LRRC4B: variants seen among roughly 807,000 people sequenced by gnomAD.
LRRC4B encodes leucine rich repeat containing 4B, also known as leucine-rich repeat-containing protein 4B.
In LRRC4B, 1 loss-of-function variant was observed where a neutral mutation model predicts 7.3. The observed-to-expected ratio is 0.14, with a 90% CI of 0.05 to 0.65. The LOEUF (loss-of-function observed/expected upper bound fraction) is 0.65. Ranked by LOEUF, LRRC4B falls within the 30% of genes least tolerant of loss-of-function variation. The pLI is 0.84. For missense variants in LRRC4B, 730 were observed against 1,041.6 expected (o/e 0.70, Z 4.12); for synonymous variants, 500 against 499.2 (o/e 1.00, Z -0.02).
intron 2 of LRRC4B, among the ~76,000 whole-genome samples, chr19:50,529,848 G>A (rs908838012): frequency 5.9e-5 from 9 of 152,122 alleles, no homozygotes; most frequent in South Asian, 2.1e-4. Flanking sequence ...GCTGGTCCAT[G>A]TGCTGTCAAG....
At position 50,568,337 on chromosome 19, in the gene LRRC4B, A is replaced by AC. The variant is rs1363437446; in HGVS notation, c.-430dup. Among the ~76,000 whole-genome samples the AC allele has an allele frequency of 3.4e-3, 351 of 102,528 alleles. 1 individual carries two copies. Among genetic ancestry groups the AC allele is most frequent in the Non-Finnish European group, 2.9e-3 (146 of 50,676 alleles). 67.3% of individuals were successfully genotyped at this position (102,528 alleles called of 152,430 possible). On this transcript the variant is annotated 5_prime_UTR_variant, in exon 1 of 3. Coordinates refer to ENST00000652263, the MANE Select transcript of LRRC4B (RefSeq NM_001080457.2). ...GCCGGCGCCGCTCTCCCCCCACCCC[A>AC]CCCCCCCCCAGGCCCCGGCCCCGGC...
intron 2 of LRRC4B, among the ~76,000 whole-genome samples, chr19:50,530,458 C>T (rs1489307337): frequency 6.6e-6 from 1 of 152,250 alleles, no homozygotes; most frequent in African/African-American, 2.4e-5. Flanking sequence ...GACGCCCTTC[C>T]CTTTCATCCA....
rs531517954 is a variant in LRRC4B, at chr19:50,560,973, C to A, written c.-36+6971G>T. Among the ~76,000 whole-genome samples, 677 of 152,196 alleles carry A rather than the reference C, an allele frequency of 4.4e-3. 4 individuals carry two copies. The highest frequency in any genetic ancestry group is 7.7e-3 in the South Asian group (37 of 4,820). On this transcript the variant is annotated intron_variant, in intron 1 of 2. Coordinates refer to ENST00000652263, the MANE Select transcript of LRRC4B (RefSeq NM_001080457.2). ...AGGCGCTGTGGTGCGTGCCTGTAAT[C>A]CCAGCTACTCAAGAGGTTGAGACAG...
In LRRC4B at chr19:50,519,263, G is replaced by A; in HGVS notation, c.450C>T (p.Pro150=). Reference sequence around the variant, plus strand: ...TGGACAGGTACTCGAAGGCCTGCGTGGGCACCGTGGTCAGCCGGTTGTCAA... The same window carrying A: ...TGGACAGGTACTCGAAGGCCTGCGTAGGCACCGTGGTCAGCCGGTTGTCAA... ...ELFDNRLTTV[P]TQAFEYLSKL... is the part of the protein sequence containing the mutation. The change falls in exon 3 of 3, where the codon CCC becomes CCT. Residue 150 remains proline, a synonymous_variant. Coordinates refer to ENST00000652263, the MANE Select transcript of LRRC4B (RefSeq NM_001080457.2). This position sits in a 1 kb window ranked among gnomAD's most constrained non-coding sequence, Gnocchi z 8.1. 1 of 1,614,138 alleles carries A rather than the reference G, an allele frequency of 6.2e-7. No homozygotes were observed. The highest frequency in any genetic ancestry group is 8.5e-7 in the Non-Finnish European group (1 of 1,180,044).
intron 2 of LRRC4B, among the ~76,000 whole-genome samples, chr19:50,528,296 C>T (rs1232023053): frequency 6.6e-6 from 1 of 152,120 alleles, no homozygotes; most frequent in African/African-American, 2.4e-5. Context: ...TTGCCTCAGC[C>T]TCCCAAAGTG....
Position 50,518,425 on chromosome 19 carries a change from C to A in LRRC4B, c.1288G>T (p.Asp430Tyr). Reference protein sequence around the residue: ...TLNFTNVTVQDTGQYTCMVTN... With the variant: ...TLNFTNVTVQYTGQYTCMVTN... ...ACCATGCACGTGTACTGGCCCGTGT[C>A]CTGCACGGTGACGTTGGTGAAGTTA... is the stretch of plus-strand genomic sequence containing the variant. The change falls in exon 3 of 3, where the codon GAC becomes TAC. Residue 430 changes from aspartate (D) to tyrosine (Y), a missense_variant. By Grantham distance (160) the Asp-to-Tyr change is radical. This residue lies in a region of LRRC4B where 192 missense variants were observed against 228.6 expected (regional missense o/e 0.84). Coordinates refer to ENST00000652263, the MANE Select transcript of LRRC4B (RefSeq NM_001080457.2). 1 of 1,559,816 alleles carries A rather than the reference C, an allele frequency of 6.4e-7. No homozygotes were observed. Among genetic ancestry groups the A allele is most frequent in the Admixed American group, 1.9e-5 (1 of 52,336 alleles).
chr19:50,520,235 AAAAAAAAAAAAAG>A (rs1980509104), intron 2 of LRRC4B, among the ~76,000 whole-genome samples: 1 of 70,256 alleles, frequency 1.4e-5, no homozygotes, highest in Non-Finnish European at 2.6e-5. Flanking sequence ...AAAAAAAAAA[AAAAAAAAAAAAAG>A]AAGAAAAGAA....
intron 2 of LRRC4B, among the ~76,000 whole-genome samples, chr19:50,546,827 C>G (rs1981837117): frequency 6.6e-6 from 1 of 152,164 alleles, no homozygotes; most frequent in Non-Finnish European, 1.5e-5. Context: ...GTGGGTGCCT[C>G]CCTGTCCCAC....
chr19:50,567,718 C>G (rs1280021046), intron 1 of LRRC4B, among the ~76,000 whole-genome samples: 1 of 146,014 alleles, frequency 6.8e-6, no homozygotes, highest in Non-Finnish European at 1.5e-5. Context: ...GACAACCACC[C>G]CCCCCACAGC....
intron 2 of LRRC4B, among the ~76,000 whole-genome samples, chr19:50,529,362 A>G (rs1270273477): frequency 1.3e-5 from 2 of 151,936 alleles, no homozygotes; most frequent in East Asian, 3.9e-4. Flanking sequence ...GCAGCTTATC[A>G]CCTCCCTGGG....
At chr19:50,545,669 G>A (rs1981769861) in intron 2 of LRRC4B, among the ~76,000 whole-genome samples, 2 of 151,430 alleles carry the variant, frequency 1.3e-5, no homozygotes, top group Admixed American at 6.6e-5. Context: ...ATCTGGTGAT[G>A]GAACTAGGGT....
In LRRC4B at chr19:50,556,911, AT is replaced by A. The variant is rs1982295090; in HGVS notation, c.-35-8039del. On this transcript the variant is annotated intron_variant, in intron 1 of 2. Transcript: ENST00000652263. The surrounding 1 kb of genome is among the most constrained non-coding windows in gnomAD (Gnocchi z 4.2). The stretch of plus-strand genomic sequence containing the variant: ...CCAGGAGGGAAGCCGGGAGGAGGGA[AT>A]GTCGAGCTGTTACAGAGGCCGTGGC... 6.8e-6 allele frequency among the ~76,000 whole-genome samples: 1 copy of A among 146,108 alleles called. No individual in the cohort carries two copies. The highest frequency in any genetic ancestry group is 2.5e-5 in the African/African-American group (1 of 39,716).
Position 50,518,002 on chromosome 19 carries a change from C to T in LRRC4B, c.1711G>A (p.Val571Ile). 1.3e-6 allele frequency: 2 copies of T among 1,542,164 alleles called. No individual in the cohort carries two copies. The change falls in exon 3 of 3, where the codon GTC becomes ATC. Residue 571 changes from valine (V) to isoleucine (I), a missense_variant. Physicochemically the swap from Val to Ile is conservative, Grantham distance 29 (BLOSUM62 3). Around this residue, in one of 6 missense-constraint regions of LRRC4B, gnomAD observed 192 missense variants for 228.6 expected, o/e 0.84. Coordinates refer to ENST00000652263, the MANE Select transcript of LRRC4B (RefSeq NM_001080457.2). ...TENALKDLDD[V>I]MKTTKIIIGC... ...ATGATGATTTTGGTGGTCTTCATGA[C>T]GTCGTCCAGGTCCTTGAGGGCGTTC...
At chr19:50,525,202 G>A (rs747446385) in intron 2 of LRRC4B, among the ~76,000 whole-genome samples, 22 of 152,186 alleles carry the variant, frequency 1.4e-4, no homozygotes, top group Non-Finnish European at 2.8e-4. Context: ...GTACCTCTGG[G>A]CTCACTCTTA....
rs1195814712 is a variant in LRRC4B at position 50,553,733 on chromosome 19, A to G, written c.-35-4860T>C. Reference sequence around the variant, plus strand: ...TCCCGAGGGCAGTCAGTTTGTGACTATTTGGTTCCCAGGACCCACAACAGT... The same window carrying G: ...TCCCGAGGGCAGTCAGTTTGTGACTGTTTGGTTCCCAGGACCCACAACAGT... On this transcript the variant is annotated intron_variant, in intron 1 of 2. Transcript: ENST00000652263. This position sits in a 1 kb window ranked among gnomAD's most constrained non-coding sequence, Gnocchi z 4.2. 6.6e-6 allele frequency among the ~76,000 whole-genome samples: 1 copy of G among 152,108 alleles called. No individual in the cohort carries two copies. The highest frequency in any genetic ancestry group is 1.5e-5 in the Non-Finnish European group (1 of 68,024).
In LRRC4B at chr19:50,548,731, G is replaced by A. The variant is rs745661306; in HGVS notation, c.108C>T (p.Ala36=). 170 of 1,539,682 alleles carry A rather than the reference G, an allele frequency of 1.1e-4. 1 individual carries two copies. Among genetic ancestry groups the A allele is most frequent in the Middle Eastern group, 3.6e-4 (2 of 5,576 alleles). Reference sequence around the variant, plus strand: ...ACGTCACGGCCACTCCACCTCCACCGGCCCCCAGGGGTGGGGAGAAGAGCC... The same window carrying A: ...ACGTCACGGCCACTCCACCTCCACCAGCCCCCAGGGGTGGGGAGAAGAGCC... The part of the protein sequence containing the change: ...FLWLFSPPLG[A]GGGGVAVTSA... The change falls in exon 2 of 3, where the codon GCC becomes GCT. Residue 36 remains alanine, a synonymous_variant. Transcript: ENST00000652263. The surrounding 1 kb of genome is among the most constrained non-coding windows in gnomAD (Gnocchi z 6.8).
intron 1 of LRRC4B, among the ~76,000 whole-genome samples, chr19:50,567,225 T>C (rs935719279): frequency 6.7e-6 from 1 of 149,094 alleles, no homozygotes; most frequent in Middle Eastern, 3.2e-3. Flanking sequence ...TGCCCAAGGA[T>C]AGAAGGCCCC....
intron 2 of LRRC4B, among the ~76,000 whole-genome samples, chr19:50,543,792 G>T (rs1981662542): frequency 6.9e-6 from 1 of 144,894 alleles, no homozygotes; most frequent in Admixed American, 7.1e-5. Flanking sequence ...GGCAGAGGTT[G>T]CAGTGAGCCA....
At chr19:50,542,647 TG>T (rs1599774440) in intron 2 of LRRC4B, among the ~76,000 whole-genome samples, 2 of 151,930 alleles carry the variant, frequency 1.3e-5, no homozygotes, top group African/African-American at 4.8e-5. Context: ...TGGCTAATTT[TG>T]GTATTTTTAG....
Sources: allele counts gnomAD v4.1 joint callset (sites outside exome capture counted in the v4.1 genomes callset), GRCh38; gene constraint gnomAD v4.1.1; regional missense constraint gnomAD v4.1.1; non-coding constraint Gnocchi (gnomAD v3.1); transcripts MANE v1.5; gene names NCBI Gene and HGNC (gene_info 2026-07-23, HGNC 2026-07-21).